TOX3: variants seen among roughly 807,000 people sequenced by gnomAD.
TOX3 encodes the protein CAG trinucleotide repeat-containing gene F9 protein.
TOX3 carries 22 observed loss-of-function variants against 64.3 expected under a neutral mutation model. The ratio of observed to expected loss-of-function variants is 0.34; its 90% CI spans 0.24 to 0.49. TOX3 has a LOEUF of 0.49. Ranked by LOEUF, TOX3 falls within the 20% of genes least tolerant of loss-of-function variation. TOX3 has a pLI of 0.99. For missense variants in TOX3, 661 were observed against 714.4 expected, an observed-to-expected ratio of 0.93 and a Z score of 0.85; for synonymous variants, 291 against 273.6, an observed-to-expected ratio of 1.06 and a Z score of -0.63.
intron 1 of TOX3, among the ~76,000 whole-genome samples, chr16:52,541,867 A>C (rs1206742292): frequency 6.6e-6 from 1 of 152,194 alleles, no homozygotes; most frequent in Non-Finnish European, 1.5e-5. Flanking sequence ...ATTAGTCACT[A>C]TACACCACAC....
rs1596824933 is a variant in TOX3 at position 52,494,185 on chromosome 16, G to T, written c.88-25611C>A. ...CTCTTACCATCATAAATCATTATGG[G>T]CTGTTTCCAACTCCCTTGCATTTTG... On this transcript the variant is annotated intron_variant, in intron 1 of 6. Coordinates refer to ENST00000219746, the MANE Select transcript of TOX3 (RefSeq NM_001080430.4). 3.9e-5 allele frequency among the ~76,000 whole-genome samples: 6 copies of T among 152,228 alleles called. 1 individual carries two copies. Among genetic ancestry groups the T allele is most frequent in the Admixed American group, 3.9e-4 (6 of 15,304 alleles).
At chr16:52,480,445 C>T (rs945622859) in intron 1 of TOX3, among the ~76,000 whole-genome samples, 1 of 152,182 alleles carries the variant, frequency 6.6e-6, no homozygotes, top group African/African-American at 2.4e-5. Flanking sequence ...TTTCAGGCCT[C>T]TAATGACATG....
intron 1 of TOX3, among the ~76,000 whole-genome samples, chr16:52,485,555 T>A (rs1195394281): frequency 1.3e-5 from 2 of 151,948 alleles, no homozygotes; most frequent in Non-Finnish European, 2.9e-5. Context: ...GGGTAACAGG[T>A]ACATTAGAAG....
chr16:52,474,655 G>T (rs1016484510), intron 1 of TOX3, among the ~76,000 whole-genome samples: 1 of 149,794 alleles, frequency 6.7e-6, no homozygotes, highest in African/African-American at 2.5e-5. Flanking sequence ...AGAAAATGAA[G>T]GAAAGGAAGA....
At chr16:52,547,798 G>C (rs1446153413), upstream of TOX3, 2 of 152,164 alleles carry the variant, frequency 1.3e-5, no homozygotes, top group Admixed American at 1.3e-4. Context: ...GCCTCGTGTC[G>C]GTTCTCTTCG....
At chr16:52,541,207 C>T (rs1165861433) in intron 1 of TOX3, among the ~76,000 whole-genome samples, 1 of 152,084 alleles carries the variant, frequency 6.6e-6, no homozygotes, top group East Asian at 1.9e-4. Context: ...GAAACACTGC[C>T]CTACAAAATG....
intron 4 of TOX3, among the ~76,000 whole-genome samples, chr16:52,446,888 T>A (rs962898908): frequency 6.6e-6 from 1 of 152,272 alleles, no homozygotes; most frequent in East Asian, 1.9e-4. Flanking sequence ...GGGAAATTGA[T>A]ACTCTCCGTA....
At chr16:52,471,732 G>A (rs1961050707) in intron 1 of TOX3, among the ~76,000 whole-genome samples, 1 of 152,204 alleles carries the variant, frequency 6.6e-6, no homozygotes, top group African/African-American at 2.4e-5. Flanking sequence ...ATAGGAATAA[G>A]TATTTAGCCC....
intron 1 of TOX3, among the ~76,000 whole-genome samples, chr16:52,474,581 C>T (rs1443479626): frequency 6.6e-6 from 1 of 150,578 alleles, no homozygotes; most frequent in Non-Finnish European, 1.5e-5. Context: ...TCTGCCACTG[C>T]ACTCTAGCCA....
At chr16:52,526,235 A>G (rs533269641) in intron 1 of TOX3, among the ~76,000 whole-genome samples, 1 of 152,346 alleles carries the variant, frequency 6.6e-6, no homozygotes, top group South Asian at 2.1e-4. Flanking sequence ...TTCAATAATC[A>G]GGGAGAAATG....
At position 52,546,933 on chromosome 16, in the gene TOX3, G is replaced by T. The variant is rs1419953456; in HGVS notation, c.-210C>A. ...GCGGCCACGCGAGCCGCGGGAGAGC[G>T]GGAGGCGGCCGGGGGGACGCGCCCC... is the stretch of plus-strand genomic sequence containing the variant. On this transcript the variant is annotated 5_prime_UTR_variant, in exon 1 of 7. Transcript: ENST00000219746. 1.7e-5 allele frequency: 17 copies of T among 1,024,606 alleles called. No homozygotes were observed. The South Asian group carries it at 4.6e-4, about 28-fold the overall frequency. The allele number at this position is 1,024,606 out of a possible 1,614,324, so 63.5% of individuals were successfully genotyped here. A position where few individuals can be genotyped will look rare whatever the true frequency, so the allele number is the denominator to read the frequency against.
chr16:52,545,993 C>CA (rs1963170868), intron 1 of TOX3, among the ~76,000 whole-genome samples: 2 of 151,972 alleles, frequency 1.3e-5, no homozygotes, highest in Admixed American at 6.5e-5. Context: ...CTTAGCCCCC[C>CA]CAAAAAAATG....
At chr16:52,442,246 T>A (rs1244076918) in intron 6 of TOX3, among the ~76,000 whole-genome samples, 1 of 152,170 alleles carries the variant, frequency 6.6e-6, no homozygotes, top group Non-Finnish European at 1.5e-5. Context: ...CAGAGTCGTA[T>A]CTTAAGGGGG....
At chr16:52,452,966 G>A (rs1960399605) in intron 3 of TOX3, among the ~76,000 whole-genome samples, 1 of 152,058 alleles carries the variant, frequency 6.6e-6, no homozygotes, top group Non-Finnish European at 1.5e-5. Flanking sequence ...TCTACAGATT[G>A]TGTGGATTTT....
chr16:52,537,878 T>TAAAAAAAAAA (rs57403617), intron 1 of TOX3, among the ~76,000 whole-genome samples: 140 of 110,624 alleles, frequency 1.3e-3, no homozygotes, highest in Non-Finnish European at 2.0e-3. Context: ...GCTGATATGA[T>TAAAAAAAAAA]AAAAAAAAAA....
chr16:52,461,921 C>T (rs1487735326), intron 3 of TOX3, among the ~76,000 whole-genome samples: 1 of 152,098 alleles, frequency 6.6e-6, no homozygotes, highest in East Asian at 1.9e-4. Context: ...TATAGGTGAA[C>T]ATGTCAGGTA....
At chr16:52,457,171 C>T (rs1960543978) in intron 3 of TOX3, among the ~76,000 whole-genome samples, 1 of 152,112 alleles carries the variant, frequency 6.6e-6, no homozygotes, top group South Asian at 2.1e-4. Context: ...TTGTGCTGCA[C>T]AATTAGTAGT....
chr16:52,474,412 G>A (rs576993555), intron 1 of TOX3, among the ~76,000 whole-genome samples: 8 of 151,952 alleles, frequency 5.3e-5, no homozygotes, highest in East Asian at 1.9e-4. Flanking sequence ...GAGGCCTTTC[G>A]AAAATCTAAG....
At chr16:52,496,977 T>A (rs1379861508) in intron 1 of TOX3, among the ~76,000 whole-genome samples, 3 of 152,128 alleles carry the variant, frequency 2.0e-5, no homozygotes, top group African/African-American at 7.2e-5. Context: ...ATCTTGCCCC[T>A]AATGTAGACG....
Sources: gnomAD v4.1 joint callset for allele counts (sites outside exome capture counted in the v4.1 genomes callset) on GRCh38, gnomAD v4.1.1 for gene constraint, MANE v1.5 for transcripts, NCBI Gene and HGNC (gene_info 2026-07-23, HGNC 2026-07-21) for gene names.